The following CMIP variants were observed in gnomAD, a reference collection of about 807,000 sequenced individuals.
CMIP encodes the protein c-Maf inducing protein.
CMIP carries 13 observed loss-of-function variants against 97.3 expected under a neutral mutation model. That is an observed-to-expected ratio of 0.13 (90% confidence interval 0.09 to 0.21). CMIP has a LOEUF of 0.21. Among genes scored for constraint, CMIP ranks in the 10% least tolerant of loss-of-function variants. The pLI, the probability that CMIP is intolerant of heterozygous loss-of-function variation, is 1.00. For synonymous variants in CMIP, 538 were observed against 436.3 expected, an observed-to-expected ratio of 1.23 and a Z score of -2.91; for missense variants, 847 against 1,024.9, an observed-to-expected ratio of 0.83 and a Z score of 2.37.
chr16:81,673,679 C>A (rs2092703373), intron 9 of CMIP, among the ~76,000 whole-genome samples: 1 of 152,216 alleles, frequency 6.6e-6, no homozygotes, highest in African/African-American at 2.4e-5. Flanking sequence ...TAGTCACTCA[C>A]CAGCTCCCAT....
intron 8 of CMIP, among the ~76,000 whole-genome samples, chr16:81,670,448 A>AT (rs1454712915): frequency 1.3e-5 from 2 of 151,880 alleles, no homozygotes; most frequent in East Asian, 1.9e-4. Context: ...AGGTCCCACG[A>AT]CCCCTCAGGC....
chr16:81,535,203 A>C (rs542989095), intron 1 of CMIP, among the ~76,000 whole-genome samples: 82 of 152,002 alleles, frequency 5.4e-4, no homozygotes, highest in Admixed American at 2.0e-4. Context: ...GCCTGCCTCA[A>C]CCTCCCAAAG....
At chr16:81,607,753 C>G in intron 2 of CMIP, 61 bp downstream of exon 2, 1 of 1,576,086 alleles carries the variant, frequency 6.3e-7, no homozygotes, top group East Asian at 2.3e-5. Context: ...ACTTGTGCCC[C>G]TCGTTTCCCT....
intron 6 of CMIP, 58 bp downstream of exon 6, chr16:81,661,004 T>C (rs2092539677): frequency 6.3e-7 from 1 of 1,588,606 alleles, no homozygotes; most frequent in Admixed American, 1.7e-5. Flanking sequence ...TCTGTGCGCA[T>C]ACCAGGGATT....
intron 1 of CMIP, chr16:81,464,347 A>G (rs898962): frequency 0.64 from 97,523 of 152,078 alleles, 31,384 homozygotes; most frequent in East Asian, 0.77. Context: ...GATGGGGCAG[A>G]TGCCTTGATT....
intron 5 of CMIP, 109 bp from the exon 6 acceptor site, chr16:81,660,775 G>T: frequency 8.8e-7 from 1 of 1,137,378 alleles, no homozygotes. Context: ...TGCAGGATGT[G>T]TTGCTCTGCA....
At chr16:81,656,481 G>A (rs938373188) in intron 4 of CMIP, among the ~76,000 whole-genome samples, 4 of 152,188 alleles carry the variant, frequency 2.6e-5, no homozygotes, top group Non-Finnish European at 5.9e-5. Flanking sequence ...AAGCAAAGCA[G>A]AACACACCAC....
intron 10 of CMIP, among the ~76,000 whole-genome samples, chr16:81,678,875 G>T (rs1306880099): frequency 6.6e-6 from 1 of 152,274 alleles, no homozygotes; most frequent in African/African-American, 2.4e-5. Flanking sequence ...TTGTGTATCT[G>T]TGAGCATATG....
chr16:81,664,180 G>A (rs1250499979), intron 6 of CMIP, 89 bp from the exon 7 acceptor site: 1 of 1,289,220 alleles, frequency 7.8e-7, no homozygotes, highest in South Asian at 1.5e-5. Context: ...CCCACAGCTG[G>A]GCTGACTGTC....
At chr16:81,661,009 G>A (rs982978941) in intron 6 of CMIP, 63 bp downstream of exon 6, 2 of 1,603,218 alleles carry the variant, frequency 1.2e-6, no homozygotes, top group African/African-American at 1.3e-5. Flanking sequence ...GCGCATACCA[G>A]GGATTGGGTT....
intron 1 of CMIP, among the ~76,000 whole-genome samples, chr16:81,564,712 C>T (rs973177571): frequency 1.3e-5 from 2 of 152,164 alleles, no homozygotes; most frequent in Admixed American, 1.3e-4. Flanking sequence ...TGCTGATGAC[C>T]CTGCAGATTG....
At chr16:81,649,460 G>A (rs2092402717) in intron 3 of CMIP, among the ~76,000 whole-genome samples, 1 of 152,258 alleles carries the variant, frequency 6.6e-6, no homozygotes, top group African/African-American at 2.4e-5. Flanking sequence ...TGTGTGTGGA[G>A]AACAGGAGAT....
intron 1 of CMIP, among the ~76,000 whole-genome samples, chr16:81,472,150 C>T (rs1488028176): frequency 1.3e-5 from 2 of 152,226 alleles, no homozygotes; most frequent in African/African-American, 2.4e-5. Flanking sequence ...CATCCTCACC[C>T]GCCATCTTTG....
At position 81,627,746 on chromosome 16, in the gene CMIP, G is replaced by A. The variant is rs145933514; in HGVS notation, c.477+6820G>A. ...GGATAAAGGATGAGGATAAAGGACCGTGCCAAAGCCAGATGCCTCCCAGCG... is the reference window on the plus strand; with the variant it reads ...GGATAAAGGATGAGGATAAAGGACCATGCCAAAGCCAGATGCCTCCCAGCG... On this transcript the variant is annotated intron_variant, in intron 3 of 20. Coordinates refer to ENST00000537098, the MANE Select transcript of CMIP (RefSeq NM_198390.3). This position sits in a 1 kb window ranked among gnomAD's most constrained non-coding sequence, Gnocchi z 4.6. 2.8e-4 allele frequency among the ~76,000 whole-genome samples: 42 copies of A among 152,276 alleles called. No homozygotes were observed. Among genetic ancestry groups the A allele is most frequent in the African/African-American group, 9.1e-4 (38 of 41,542 alleles).
intron 1 of CMIP, among the ~76,000 whole-genome samples, chr16:81,592,758 C>T (rs1271601611): frequency 1.3e-5 from 2 of 152,160 alleles, no homozygotes; most frequent in African/African-American, 4.8e-5. Context: ...CTTAGCAGTG[C>T]CCCTTTCCCA....
chr16:81,549,320 G>T (rs1237900745), intron 1 of CMIP, among the ~76,000 whole-genome samples: 1 of 152,214 alleles, frequency 6.6e-6, no homozygotes, highest in Non-Finnish European at 1.5e-5. Context: ...ACCTTACCCT[G>T]GAAAATGCCG....
intron 1 of CMIP, among the ~76,000 whole-genome samples, chr16:81,446,012 A>G (rs1905818323): frequency 6.6e-6 from 1 of 151,732 alleles, no homozygotes; most frequent in Non-Finnish European, 1.5e-5. Flanking sequence ...CCCCAAACCC[A>G]AAGAATTTCC....
chr16:81,462,070 A>G (rs971813972), intron 1 of CMIP, among the ~76,000 whole-genome samples: 1 of 151,988 alleles, frequency 6.6e-6, no homozygotes, highest in Non-Finnish European at 1.5e-5. Context: ...TGTCATATCC[A>G]CTTAAATTTT....
chr16:81,658,694 G>A (rs949734002), intron 5 of CMIP, among the ~76,000 whole-genome samples: 32 of 152,252 alleles, frequency 2.1e-4, no homozygotes, highest in Admixed American at 6.5e-5. Context: ...AGCATTGCTG[G>A]AGCATAAAGC....
Sources: allele counts gnomAD v4.1 joint callset (sites outside exome capture counted in the v4.1 genomes callset), GRCh38; gene constraint gnomAD v4.1.1; non-coding constraint Gnocchi (gnomAD v3.1); transcripts MANE v1.5; gene names NCBI Gene and HGNC (gene_info 2026-07-23, HGNC 2026-07-21).